The following CELF2 variants were observed in gnomAD, a reference collection of about 807,000 sequenced individuals.
The protein encoded by CELF2 is CUG triplet repeat RNA-binding protein 2.
A neutral mutation model predicts 62.6 loss-of-function variants in CELF2; 8 were observed. The observed-to-expected ratio is 0.13, with a 90% CI of 0.07 to 0.23. The LOEUF (loss-of-function observed/expected upper bound fraction) is 0.23, where lower values mean the gene tolerates loss of function less well. Among genes scored for constraint, CELF2 ranks in the 10% least tolerant of loss-of-function variants. CELF2 has a pLI of 1.00. For missense variants in CELF2, 333 were observed against 671.0 expected (o/e 0.50, Z 5.56); for synonymous variants, 258 against 250.0 (o/e 1.03, Z -0.30).
chr10:10,825,592 T>A (rs139912434), intron 1 of CELF2, among the ~76,000 whole-genome samples: 3 of 152,324 alleles, frequency 2.0e-5, no homozygotes, highest in Non-Finnish European at 4.4e-5. Context: ...AGCTAATATT[T>A]GCACATGTGC....
intron 1 of CELF2, among the ~76,000 whole-genome samples, chr10:11,084,762 C>A (rs373224259): frequency 1.3e-5 from 2 of 150,490 alleles, no homozygotes; most frequent in East Asian, 1.9e-4. Flanking sequence ...GAAAAAAAAA[C>A]CCACGGTCTC....
At chr10:10,702,411 C>T in the CELF2 span, among the ~76,000 whole-genome samples, 1 of 152,180 alleles carries the variant, frequency 6.6e-6, no homozygotes, top group African/African-American at 2.4e-5. Flanking sequence ...TAAGGAACTC[C>T]TCCCAGCCTG....
At chr10:10,724,385 G>C in the CELF2 span, among the ~76,000 whole-genome samples, 2 of 152,192 alleles carry the variant, frequency 1.3e-5, no homozygotes, top group Middle Eastern at 3.4e-3. Flanking sequence ...TCCCAGCATG[G>C]TGGCTCATGC....
the CELF2 span, among the ~76,000 whole-genome samples, chr10:10,641,843 TA>T: frequency 3.0e-4 from 46 of 152,294 alleles, no homozygotes; most frequent in African/African-American, 1.0e-3. Flanking sequence ...TGGACAAAAA[TA>T]AATACGAAAA....
At chr10:10,586,370 C>T in the CELF2 span, among the ~76,000 whole-genome samples, 1 of 152,186 alleles carries the variant, frequency 6.6e-6, no homozygotes, top group African/African-American at 2.4e-5. Context: ...ATGAAACTTA[C>T]ATGTTTCAGA....
At chr10:11,152,872 A>C (rs930252564) in intron 1 of CELF2, among the ~76,000 whole-genome samples, 2 of 152,190 alleles carry the variant, frequency 1.3e-5, no homozygotes. Flanking sequence ...CATTAGAGTT[A>C]TCCAGCACCC....
chr10:11,301,290 T>G (rs933059882), intron 9 of CELF2, among the ~76,000 whole-genome samples: 3 of 151,710 alleles, frequency 2.0e-5, no homozygotes, highest in Admixed American at 1.3e-4. Flanking sequence ...TCAAGAGTCT[T>G]GTTCACCATC....
At chr10:10,777,680 A>T in the CELF2 span, among the ~76,000 whole-genome samples, 116 of 152,294 alleles carry the variant, frequency 7.6e-4, no homozygotes, top group African/African-American at 2.6e-3. Context: ...ATGTTTCTAC[A>T]ATGCAAATGA....
intron 1 of CELF2, among the ~76,000 whole-genome samples, chr10:11,104,700 A>G (rs993687380): frequency 2.6e-5 from 4 of 152,178 alleles, no homozygotes; most frequent in Admixed American, 2.6e-4. Flanking sequence ...AAAATAACAT[A>G]CTCTTGAACT....
intron 2 of CELF2, among the ~76,000 whole-genome samples, chr10:10,976,887 C>G (rs754056841): frequency 6.6e-6 from 1 of 152,166 alleles, no homozygotes; most frequent in Non-Finnish European, 1.5e-5. Flanking sequence ...CGTGTCTCAT[C>G]ATTGTGCATT....
intron 1 of CELF2, among the ~76,000 whole-genome samples, chr10:11,064,950 T>C (rs537747294): frequency 1.3e-5 from 2 of 152,330 alleles, no homozygotes; most frequent in South Asian, 2.1e-4. Flanking sequence ...GGAATGTTTC[T>C]TTCTCAAGAT....
chr10:11,135,914 T>C (rs1044426296), intron 1 of CELF2, among the ~76,000 whole-genome samples: 17 of 152,190 alleles, frequency 1.1e-4, no homozygotes, highest in African/African-American at 3.9e-4. Context: ...TCAGACTCTC[T>C]GGGGTGGAGC....
chr10:10,674,509 G>T, the CELF2 span, among the ~76,000 whole-genome samples: 2 of 152,062 alleles, frequency 1.3e-5, no homozygotes, highest in African/African-American at 4.8e-5. Flanking sequence ...TAGATCACTG[G>T]CATTCAAAAT....
intron 1 of CELF2, among the ~76,000 whole-genome samples, chr10:11,033,698 A>C (rs1185444304): frequency 6.6e-6 from 1 of 152,228 alleles, no homozygotes; most frequent in Non-Finnish European, 1.5e-5. Context: ...TTAGCTTTTA[A>C]AGTTATCTAA....
rs545710105 is a variant in CELF2, at chr10:11,136,027, A to C, written c.75-29459A>C. Reference sequence around the variant, plus strand: ...TACTGGTGGACTATAATATACAGGCACTTGGCTAGATGGTGGGAATATAGG... The same window carrying C: ...TACTGGTGGACTATAATATACAGGCCCTTGGCTAGATGGTGGGAATATAGG... On this transcript the variant is annotated intron_variant, in intron 1 of 12. Coordinates refer to ENST00000633077, the MANE Select transcript of CELF2 (RefSeq NM_001326342.2). Among the ~76,000 whole-genome samples the C allele has an allele frequency of 2.6e-5, 4 of 152,336 alleles. No individual in the cohort carries two copies. The East Asian group carries it at 7.7e-4, about 29-fold the overall frequency.
intron 1 of CELF2, among the ~76,000 whole-genome samples, chr10:11,093,526 C>T (rs1420123763): frequency 6.6e-6 from 1 of 152,196 alleles, no homozygotes; most frequent in Non-Finnish European, 1.5e-5. Flanking sequence ...ATGCATATCC[C>T]AGCTCCGTAA....
In CELF2 at chr10:11,297,918, G is replaced by A. The variant is rs1444495857; in HGVS notation, c.976+9366G>A. Among the ~76,000 whole-genome samples, 1 of 152,226 alleles carries A rather than the reference G, an allele frequency of 6.6e-6. No individual in the cohort carries two copies. The highest frequency in any genetic ancestry group is 2.4e-5 in the African/African-American group (1 of 41,456). ...AATGACTTGAACCCAGGAGGCAGAG[G>A]TTGCAGTGAGCCGAGATCACGTCAC... On this transcript the variant is annotated intron_variant, in intron 9 of 12. Coordinates refer to ENST00000633077, the MANE Select transcript of CELF2 (RefSeq NM_001326342.2). This position sits in a 1 kb window ranked among gnomAD's most constrained non-coding sequence, Gnocchi z 4.4.
intron 1 of CELF2, among the ~76,000 whole-genome samples, chr10:11,113,573 C>T (rs2055782024): frequency 6.6e-6 from 1 of 152,168 alleles, no homozygotes; most frequent in South Asian, 2.1e-4. Context: ...TCTATGTTTG[C>T]CCCTTTAAAT....
chr10:10,540,285 C>G, the CELF2 span, among the ~76,000 whole-genome samples: 1 of 152,154 alleles, frequency 6.6e-6, no homozygotes, highest in Non-Finnish European at 1.5e-5. Context: ...GGAACAGGTT[C>G]GACTGAGCAT....
Sources: gnomAD v4.1 joint callset for allele counts (sites outside exome capture counted in the v4.1 genomes callset) on GRCh38, gnomAD v4.1.1 for gene constraint, Gnocchi (gnomAD v3.1) non-coding constraint, MANE v1.5 for transcripts, NCBI Gene and HGNC (gene_info 2026-07-23, HGNC 2026-07-21) for gene names.